EEF1B2: variants seen among roughly 807,000 people sequenced by gnomAD.
The protein encoded by EEF1B2 is elongation factor 1-beta.
EEF1B2 carries 12 observed loss-of-function variants against 28.3 expected under a neutral mutation model. That is an observed-to-expected ratio of 0.42 (90% confidence interval 0.27 to 0.69). The LOEUF is 0.69. EEF1B2 is among the 30% of genes least tolerant of loss of function. EEF1B2 has a pLI of 0.22. For missense variants in EEF1B2, 234 were observed against 272.6 expected (o/e 0.86, Z 1.00); for synonymous variants, 83 against 99.9 (o/e 0.83, Z 1.01).
chr2:206,161,541 G>T, intron 3 of EEF1B2, 69 bp downstream of exon 3: 1 of 1,592,462 alleles, frequency 6.3e-7, no homozygotes, highest in South Asian at 1.1e-5. Context: ...CCAGCATGTT[G>T]GGAGGCTGAG....
upstream of EEF1B2, chr2:206,159,684 G>A: frequency 3.5e-6 from 1 of 284,808 alleles, no homozygotes; most frequent in Admixed American, 4.8e-5. Context: ...GAGCCGTGGA[G>A]GTACGAACTT....
In EEF1B2 at chr2:206,160,797, A is replaced by G. The variant is rs113495155; in HGVS notation, c.203+87A>G. ...CACATGACAAAACTGGACCCAGGCT[A>G]CTTTAGTTTTGTTGGGATATTGTAA... On this transcript the variant is annotated intron_variant, in intron 2 of 5. Coordinates refer to ENST00000392222, the MANE Select transcript of EEF1B2 (RefSeq NM_001959.4). The G allele has an allele frequency of 1.5e-4, 243 of 1,605,550 alleles. No homozygotes were observed. In the African/African-American group the frequency reaches 2.7e-3, roughly 18 times the overall value.
In EEF1B2 at chr2:206,161,397, A is replaced by G. The variant is rs747011097; in HGVS notation, c.255A>G (p.Glu85=). 6.2e-7 allele frequency: 1 copy of G among 1,614,186 alleles called. No individual in the cohort carries two copies. The highest frequency in any genetic ancestry group is 8.5e-7 in the Non-Finnish European group (1 of 1,180,004). ...GCAAATATGGTCCTGCCGATGTGGA[A>G]GACACTACAGGAAGTGGAGCTACAG... is the stretch of plus-strand genomic sequence containing the variant. ...ALGKYGPADV[E]DTTGSGATDS... Residue 85 remains glutamate (E), a synonymous_variant, in exon 3 of 6, where the codon GAA becomes GAG. Transcript: ENST00000392222.
chr2:206,160,490 A>G (rs1687885555), intron 1 of EEF1B2, 98 bp from the exon 2 acceptor site: 1 of 1,590,718 alleles, frequency 6.3e-7, no homozygotes, highest in Non-Finnish European at 8.6e-7. Flanking sequence ...TGCTGGGGTT[A>G]GTGCCCACTA....
In EEF1B2 at chr2:206,160,664, C is replaced by T. The variant is rs188857262; in HGVS notation, c.157C>T (p.Leu53=). ...SPPPADLCHA[L]RWYNHIKSYE... Reference sequence around the variant, plus strand: ...ACCGCCTGCCGACTTGTGTCATGCCCTACGTTGGTATAATCACATCAAGTC... The same window carrying T: ...ACCGCCTGCCGACTTGTGTCATGCCTTACGTTGGTATAATCACATCAAGTC... Residue 53 remains leucine, a synonymous_variant, in exon 2 of 6, where the codon CTA becomes TTA. Coordinates refer to ENST00000392222, the MANE Select transcript of EEF1B2 (RefSeq NM_001959.4). 9.4e-5 allele frequency: 152 copies of T among 1,614,052 alleles called. No individual in the cohort carries two copies. In the East Asian group the frequency reaches 2.9e-3, roughly 31 times the overall value.
At chr2:206,162,216 C>T (rs1219298758) in intron 4 of EEF1B2, 112 bp downstream of exon 4, 1 of 1,201,034 alleles carries the variant, frequency 8.3e-7, no homozygotes, top group East Asian at 2.3e-5. Context: ...ATTTTAAAAC[C>T]TGTACAGGTT....
At chr2:206,159,886 T>C, upstream of EEF1B2, 1 of 1,438,446 alleles carries the variant, frequency 7.0e-7, no homozygotes. Context: ...TTTTCCGGTC[T>C]CTTCGGGTCC....
In EEF1B2 at chr2:206,162,593, G is replaced by A. The variant is rs1687965995; in HGVS notation, c.502G>A (p.Asp168Asn). 2 of 1,613,468 alleles carry A rather than the reference G, an allele frequency of 1.2e-6. No homozygotes were observed. Among genetic ancestry groups the A allele is most frequent in the African/African-American group, 2.7e-5 (2 of 74,884 alleles). Residue 168 changes from aspartate (D) to asparagine (N), a missense_variant, in exon 5 of 6, where the codon GAC becomes AAC. By Grantham distance (23) the Asp-to-Asn change is conservative. Transcript: ENST00000392222. ...GGAGTGCGTCAGAAGCATTCAAGCA[G>A]ACGGCTTAGTCTGGGGCTCATGTGA... is the stretch of plus-strand genomic sequence containing the variant. ...LEECVRSIQA[D>N]GLVWGSSKLV... is the part of the protein sequence containing the mutation.
chr2:206,162,895 G>C lies in EEF1B2; in HGVS notation c.*12G>C. ...TCAACAAGATCTAAAATCCATCCTGGATCATGGCATTTAAATAAAAGATTG... is the reference window on the plus strand; with the variant it reads ...TCAACAAGATCTAAAATCCATCCTGCATCATGGCATTTAAATAAAAGATTG... On this transcript the variant is annotated 3_prime_UTR_variant, in exon 6 of 6. Coordinates refer to ENST00000392222, the MANE Select transcript of EEF1B2 (RefSeq NM_001959.4). 6.3e-7 allele frequency: 1 copy of C among 1,589,624 alleles called. No homozygotes were observed. Among genetic ancestry groups the C allele is most frequent in the Non-Finnish European group, 8.5e-7 (1 of 1,176,252 alleles).
intron 4 of EEF1B2, 188 bp from the exon 5 acceptor site, chr2:206,162,301 A>C (rs749585121): frequency 4.2e-5 from 48 of 1,152,952 alleles, no homozygotes; most frequent in Admixed American, 2.2e-4. Flanking sequence ...GAAACTGTTA[A>C]CACAAACACC....
intron 2 of EEF1B2, 152 bp from the exon 3 acceptor site, chr2:206,161,194 A>G: frequency 1.0e-6 from 1 of 991,510 alleles, no homozygotes; most frequent in Non-Finnish European, 1.5e-6. Context: ...AGTTGAACAT[A>G]TGACAGTGTT....
chr2:206,161,290 T>C (rs1013186288), intron 2 of EEF1B2, 56 bp from the exon 3 acceptor site: 2 of 1,600,750 alleles, frequency 1.2e-6, no homozygotes, highest in South Asian at 1.1e-5. Context: ...TTTTGTATTT[T>C]CTGGAAAAGG....
chr2:206,162,518 T>G lies in EEF1B2; in HGVS notation c.427T>G (p.Leu143Val). Residue 143 changes from leucine (L) to valine (V), a missense_variant, in exon 5 of 6, where the codon TTA (leucine) becomes GTA (valine). Physicochemically the swap from Leu to Val is conservative, Grantham distance 32. This residue lies in a region of EEF1B2 where 178 missense variants were observed against 173.3 expected (regional missense o/e 1.03). Transcript: ENST00000392222. ...KPALVAKSSI[L>V]LDVKPWDDET... is the part of the protein sequence containing the mutation. Reference sequence around the variant, plus strand: ...TGCACTTGTTGCCAAGTCTTCCATCTTACTAGATGTGAAACCTTGGGATGA... The same window carrying G: ...TGCACTTGTTGCCAAGTCTTCCATCGTACTAGATGTGAAACCTTGGGATGA... 1 of 1,613,286 alleles carries G rather than the reference T, an allele frequency of 6.2e-7. No individual in the cohort carries two copies. The highest frequency in any genetic ancestry group is 8.5e-7 in the Non-Finnish European group (1 of 1,179,996).
In EEF1B2 at chr2:206,162,912, AAAAGATTG is replaced by A; in HGVS notation, c.*37_*44del. ...CCATCCTGGATCATGGCATTTAAAT[AAAAGATTG>A]AAAGATTACCTTTGGCTCTTGAGTA... On this transcript the variant is annotated 3_prime_UTR_variant, in exon 6 of 6. Coordinates refer to ENST00000392222, the MANE Select transcript of EEF1B2 (RefSeq NM_001959.4). 6.3e-7 allele frequency: 1 copy of A among 1,585,556 alleles called. No homozygotes were observed.
Position 206,159,961 on chromosome 2 carries a change from C to G in EEF1B2, c.-19C>G. ...GCTCTCTTTCTGCTGCTCCCCAGCTCTCGGATACAGCCGACACCATGGGTT... is the reference window on the plus strand; with the variant it reads ...GCTCTCTTTCTGCTGCTCCCCAGCTGTCGGATACAGCCGACACCATGGGTT... On this transcript the variant is annotated 5_prime_UTR_variant, in exon 1 of 6. Transcript: ENST00000392222. The G allele has an allele frequency of 6.2e-7, 1 of 1,609,944 alleles. No homozygotes were observed. The highest frequency in any genetic ancestry group is 8.5e-7 in the Non-Finnish European group (1 of 1,178,976).
intron 1 of EEF1B2, 106 bp from the exon 2 acceptor site, chr2:206,160,482 C>A (rs1418775170): frequency 6.3e-7 from 1 of 1,574,902 alleles, no homozygotes; most frequent in Non-Finnish European, 8.6e-7. Flanking sequence ...AGCAACCCTG[C>A]TGGGGTTAGT....
intron 3 of EEF1B2, chr2:206,161,782 AAG>A: frequency 8.0e-6 from 5 of 626,840 alleles, no homozygotes; most frequent in South Asian, 3.3e-5. Context: ...AAAAAAAAAA[AAG>A]AATACATCGA....
intron 1 of EEF1B2, 100 bp from the exon 2 acceptor site, chr2:206,160,488 T>A: frequency 6.3e-7 from 1 of 1,589,008 alleles, no homozygotes. Context: ...CCTGCTGGGG[T>A]TAGTGCCCAC....
chr2:206,162,667 T>C (rs1260622997), intron 5 of EEF1B2, 53 bp downstream of exon 5: 23 of 1,565,890 alleles, frequency 1.5e-5, no homozygotes, highest in Non-Finnish European at 2.0e-5. Flanking sequence ...GGAATTTGCC[T>C]ACAGTTTCAA....
Sources: allele counts gnomAD v4.1 joint callset, GRCh38; gene constraint gnomAD v4.1.1; regional missense constraint gnomAD v4.1.1; transcripts MANE v1.5; gene names NCBI Gene and HGNC (gene_info 2026-07-23, HGNC 2026-07-21).